TRDN: variants seen among roughly 807,000 people sequenced by gnomAD.
TRDN encodes triadin in skeletal muscle.
A neutral mutation model predicts 149.7 loss-of-function variants in TRDN; 161 were observed. The ratio of observed to expected loss-of-function variants is 1.08; its 90% CI spans 0.95 to 1.23. The LOEUF (loss-of-function observed/expected upper bound fraction) is 1.23. TRDN is among the 50% of genes most tolerant of loss of function. TRDN has a pLI of 0.00. For missense variants in TRDN, 896 were observed against 823.5 expected (o/e 1.09, Z -1.08); for synonymous variants, 294 against 250.5 (o/e 1.17, Z -1.64).
Position 123,391,982 on chromosome 6 carries a change from G to A in TRDN, c.1105+1642C>T, listed in dbSNP as rs569410931. 3.3e-5 allele frequency among the ~76,000 whole-genome samples: 5 copies of A among 152,192 alleles called. No homozygotes were observed. The South Asian group carries it at 1.0e-3, about 31-fold the overall frequency. On this transcript the variant is annotated intron_variant, in intron 13 of 40. Coordinates refer to ENST00000334268, the MANE Select transcript of TRDN (RefSeq NM_006073.4). ...GAAAGATCTATGGAGGATTTGCAAA[G>A]ACGCGAATGATATGCAGTTCTGCTT...
intron 13 of TRDN, 133 bp downstream of exon 13, chr6:123,393,491 C>A: frequency 3.8e-6 from 3 of 788,298 alleles, no homozygotes; most frequent in Non-Finnish European, 3.9e-6. Flanking sequence ...TGTGTATTTT[C>A]ATTCAACAAT....
chr6:123,626,458 A>G (rs2114727298), intron 1 of TRDN, among the ~76,000 whole-genome samples: 1 of 152,150 alleles, frequency 6.6e-6, no homozygotes, highest in South Asian at 2.1e-4. Flanking sequence ...GCCGAACTAG[A>G]CACTGGCTCA....
chr6:123,605,566 C>T (rs995329943), intron 1 of TRDN, among the ~76,000 whole-genome samples: 2 of 145,222 alleles, frequency 1.4e-5, no homozygotes, highest in African/African-American at 2.6e-5. Flanking sequence ...TGTTCGAGAC[C>T]AGCCTGGGCA....
chr6:123,218,849 C>A, intron 40 of TRDN, 109 bp from the exon 41 acceptor site: 5 of 1,222,710 alleles, frequency 4.1e-6, no homozygotes, highest in Non-Finnish European at 5.6e-6. Context: ...CCAGCAGCCT[C>A]CGTAGCTGTT....
intron 1 of TRDN, among the ~76,000 whole-genome samples, chr6:123,573,435 A>G (rs1357860123): frequency 2.0e-5 from 3 of 152,078 alleles, no homozygotes; most frequent in Admixed American, 2.0e-4. Flanking sequence ...CAGCACAACT[A>G]TGACTCTCAC....
chr6:123,596,254 A>G (rs1204241346), intron 1 of TRDN, among the ~76,000 whole-genome samples: 2 of 152,104 alleles, frequency 1.3e-5, no homozygotes, highest in African/African-American at 2.4e-5. Flanking sequence ...AGACCAAGGC[A>G]CTAACTCTCT....
intron 1 of TRDN, among the ~76,000 whole-genome samples, chr6:123,603,562 A>G (rs1784378046): frequency 6.6e-6 from 1 of 152,148 alleles, no homozygotes. Flanking sequence ...ATTCTTTCAT[A>G]CATTCATTTA....
intron 32 of TRDN, among the ~76,000 whole-genome samples, chr6:123,267,367 A>G (rs1707479147): frequency 6.6e-6 from 1 of 152,086 alleles, no homozygotes; most frequent in South Asian, 2.1e-4. Context: ...AACCTGTGTA[A>G]TTTGACAAGA....
At chr6:123,428,879 A>T (rs1374906846) in intron 12 of TRDN, among the ~76,000 whole-genome samples, 5 of 152,184 alleles carry the variant, frequency 3.3e-5, no homozygotes, top group Admixed American at 6.5e-5. Flanking sequence ...TGTCTATTAC[A>T]CTGATCTATG....
intron 1 of TRDN, among the ~76,000 whole-genome samples, chr6:123,617,707 AT>A (rs1486332739): frequency 6.6e-6 from 1 of 152,144 alleles, no homozygotes; most frequent in East Asian, 1.9e-4. Flanking sequence ...TTTTAAAAAG[AT>A]TTATGTAAAA....
At chr6:123,548,710 A>G (rs1366218575) in intron 2 of TRDN, 98 bp from the exon 3 acceptor site, 1 of 1,053,978 alleles carries the variant, frequency 9.5e-7, no homozygotes, top group Non-Finnish European at 1.2e-6. Flanking sequence ...TTTGACAAAA[A>G]GAATATGTCA....
At chr6:123,388,047 A>G (rs989550127) in intron 14 of TRDN, among the ~76,000 whole-genome samples, 1 of 152,048 alleles carries the variant, frequency 6.6e-6, no homozygotes, top group Non-Finnish European at 1.5e-5. Flanking sequence ...AGGAGAAAAA[A>G]TGAAAAGCGG....
chr6:123,351,273 C>A (rs2114294113), intron 21 of TRDN: 1 of 963,098 alleles, frequency 1.0e-6, no homozygotes, highest in Non-Finnish European at 1.2e-6. Context: ...CATATCCTTT[C>A]ACATATGTTT....
chr6:123,375,743 G>C (rs1356285513), intron 18 of TRDN, 112 bp from the exon 19 acceptor site: 1 of 833,572 alleles, frequency 1.2e-6, no homozygotes, highest in African/African-American at 1.8e-5. Context: ...TATAATATTG[G>C]AAGCTAAAGA....
intron 5 of TRDN, among the ~76,000 whole-genome samples, chr6:123,524,628 C>T (rs186468270): frequency 6.6e-5 from 10 of 152,028 alleles, no homozygotes; most frequent in Admixed American, 6.6e-4. Context: ...AAAAGCAAAA[C>T]AAAAACAAAA....
At chr6:123,338,142 C>T (rs1424967363) in intron 21 of TRDN, among the ~76,000 whole-genome samples, 2 of 152,158 alleles carry the variant, frequency 1.3e-5, no homozygotes, top group Non-Finnish European at 1.5e-5. Context: ...TATCTATGCT[C>T]TCAAGCACAT....
chr6:123,264,865 A>T (rs1202460571), intron 33 of TRDN, among the ~76,000 whole-genome samples: 4 of 152,060 alleles, frequency 2.6e-5, no homozygotes, highest in Non-Finnish European at 5.9e-5. Flanking sequence ...ATACTTTTAA[A>T]TTAAGCTATG....
intron 21 of TRDN, among the ~76,000 whole-genome samples, chr6:123,345,209 A>G (rs769383703): frequency 6.6e-6 from 1 of 151,790 alleles, no homozygotes; most frequent in African/African-American, 2.4e-5. Flanking sequence ...CTTTGAGTTA[A>G]TTTTCTTGTG....
chr6:123,636,341 G>A (rs758481861), intron 1 of TRDN, among the ~76,000 whole-genome samples: 14 of 151,864 alleles, frequency 9.2e-5, no homozygotes, highest in African/African-American at 2.4e-4. Context: ...TTAAGTTTAA[G>A]TAAGCATTAG....
Sources: gnomAD v4.1 joint callset for allele counts (sites outside exome capture counted in the v4.1 genomes callset) on GRCh38, gnomAD v4.1.1 for gene constraint, MANE v1.5 for transcripts, NCBI Gene and HGNC (gene_info 2026-07-23, HGNC 2026-07-21) for gene names.